A2ML1: variants seen among roughly 807,000 people sequenced by gnomAD.
A2ML1 encodes the protein alpha-2-macroglobulin like 1.
Under a neutral mutation model 181.9 loss-of-function variants are expected in A2ML1, and 161 were observed. That is an observed-to-expected ratio of 0.89 (90% CI 0.78 to 1.01). The LOEUF is 1.01. Among genes scored for constraint, A2ML1 ranks in the 50% least tolerant of loss-of-function variants. A2ML1 has a pLI of 0.00. For missense variants in A2ML1, 1,670 were observed against 1,768.1 expected (o/e 0.94, Z 1.00); for synonymous variants, 663 against 666.8 (o/e 0.99, Z 0.09).
intron 16 of A2ML1, among the ~76,000 whole-genome samples, chr12:8,849,244 G>A (rs1943806694): frequency 6.6e-6 from 1 of 152,164 alleles, no homozygotes; most frequent in East Asian, 1.9e-4. Flanking sequence ...GGGATGCTGT[G>A]TGACCCAAGT....
rs1954585172 is a variant in A2ML1, at chr12:8,835,617, G to A, written c.594G>A (p.Val198=). The change falls in exon 6 of 36, where the codon GTG becomes GTA. Residue 198 remains valine, a synonymous_variant. Coordinates refer to ENST00000299698, the MANE Select transcript of A2ML1 (RefSeq NM_144670.6). ...AGGCAATGCTGGGCACCTACACTGT[G>A]GCAGTGGCTGAGGGCAAGACCTTTG... ...APEAMLGTYT[V]AVAEGKTFGT... 6.2e-7 allele frequency: 1 copy of A among 1,614,102 alleles called. No homozygotes were observed. Among genetic ancestry groups the A allele is most frequent in the Non-Finnish European group, 8.5e-7 (1 of 1,180,056 alleles).
intron 7 of A2ML1, among the ~76,000 whole-genome samples, chr12:8,836,620 A>G (rs751005049): frequency 6.6e-5 from 10 of 150,998 alleles, no homozygotes; most frequent in Non-Finnish European, 1.5e-4. Flanking sequence ...AGTAGCTGGG[A>G]TCACAGGCGC....
At chr12:8,867,812 G>T in intron 29 of A2ML1, 30 bp from the exon 30 acceptor site, 2 of 1,587,802 alleles carry the variant, frequency 1.3e-6, no homozygotes, top group Non-Finnish European at 1.7e-6. Flanking sequence ...CTCACAAAAT[G>T]GTAAGTATAC....
chr12:8,868,373 G>A lies in A2ML1; in HGVS notation c.4061+16G>A, dbSNP rs200962359. ...TTCACACCAGGTGATTAAAGCTGGG[G>A]TGCTGGTGGCCGGCAGAGCACCTGG... On this transcript the variant is annotated intron_variant, in intron 31 of 35. Coordinates refer to ENST00000299698, the MANE Select transcript of A2ML1 (RefSeq NM_144670.6). 33 of 1,609,476 alleles carry A rather than the reference G, an allele frequency of 2.1e-5. No homozygotes were observed. Among genetic ancestry groups the A allele is most frequent in the Middle Eastern group, 1.7e-4 (1 of 6,024 alleles).
Position 8,851,872 on chromosome 12 carries a change from G to A in A2ML1, c.2323G>A (p.Gly775Ser), listed in dbSNP as rs745521449. ...AMSFCTSQSR[G>S]FGLSPTVGLT... ...GAGTTTCTGCACTTCCCAGTCAAGAGGCTTCGGGCTTTCACCCACTGTTGG... is the reference window on the plus strand; with the variant it reads ...GAGTTTCTGCACTTCCCAGTCAAGAAGCTTCGGGCTTTCACCCACTGTTGG... The change falls in exon 19 of 36, where the codon GGC (glycine) becomes AGC (serine). Residue 775 changes from glycine (G) to serine (S), a missense_variant. Coordinates refer to ENST00000299698, the MANE Select transcript of A2ML1 (RefSeq NM_144670.6). 6.2e-7 allele frequency: 1 copy of A among 1,614,218 alleles called. No homozygotes were observed. Among genetic ancestry groups the A allele is most frequent in the Admixed American group, 1.7e-5 (1 of 60,024 alleles).
At chr12:8,838,678 C>T (rs1215932680) in intron 9 of A2ML1, among the ~76,000 whole-genome samples, 8 of 151,708 alleles carry the variant, frequency 5.3e-5, no homozygotes, top group Admixed American at 2.6e-4. Flanking sequence ...TTTGGGAGGC[C>T]GAGACGGGCA....
At chr12:8,843,404 G>C (rs761268229) in intron 12 of A2ML1, 43 bp downstream of exon 12, 3 of 1,584,238 alleles carry the variant, frequency 1.9e-6, no homozygotes, top group African/African-American at 2.7e-5. Context: ...TGCTGGGAAG[G>C]AAAGAGAATG....
chr12:8,827,619 T>C (rs193130770), intron 3 of A2ML1, among the ~76,000 whole-genome samples: 1 of 152,344 alleles, frequency 6.6e-6, no homozygotes, highest in East Asian at 1.9e-4. Flanking sequence ...ATTTAGTTCA[T>C]CTGGTGAGGT....
rs11047528 is a variant in A2ML1, at chr12:8,841,017, A to C, written c.1081-352A>C. ...AAGGAAGGAAGGAAGGAAGGACGGA[A>C]GGAAGGAAGGAAGGAAGGAAAGAAA... On this transcript the variant is annotated intron_variant, in intron 10 of 35. Coordinates refer to ENST00000299698, the MANE Select transcript of A2ML1 (RefSeq NM_144670.6). Among the ~76,000 whole-genome samples, 1,320 of 13,926 alleles carry C rather than the reference A, an allele frequency of 0.095. 12 individuals carry two copies. Among genetic ancestry groups the C allele is most frequent in the East Asian group, 0.31 (71 of 228 alleles). 9.1% of individuals were successfully genotyped at this position (13,926 alleles called of 152,430 possible). A position where few individuals can be genotyped will look rare whatever the true frequency, so the allele number is the denominator to read the frequency against.
At position 8,855,671 on chromosome 12, in the gene A2ML1, C is replaced by G. The variant is rs768275167; in HGVS notation, c.2848+79C>G. Reference sequence around the variant, plus strand: ...AAGGTGTGGAGTGGGGCGGGACATACGGACCTATCCGGAGAGTGTAACTAA... The same window carrying G: ...AAGGTGTGGAGTGGGGCGGGACATAGGGACCTATCCGGAGAGTGTAACTAA... On this transcript the variant is annotated intron_variant, in intron 23 of 35. Coordinates refer to ENST00000299698, the MANE Select transcript of A2ML1 (RefSeq NM_144670.6). 44 of 1,297,812 alleles carry G rather than the reference C, an allele frequency of 3.4e-5. 1 individual carries two copies. The highest frequency in any genetic ancestry group is 4.3e-5 in the Non-Finnish European group (39 of 902,412). 80.4% of individuals were successfully genotyped at this position (1,297,812 alleles called of 1,614,324 possible). A position where few individuals can be genotyped will look rare whatever the true frequency, so the allele number is the denominator to read the frequency against.
intron 12 of A2ML1, 151 bp downstream of exon 12, chr12:8,843,512 A>C: frequency 1.5e-6 from 1 of 652,664 alleles, no homozygotes; most frequent in Non-Finnish European, 2.5e-6. Flanking sequence ...GTAAAAGAAC[A>C]GTTGACATTA....
chr12:8,848,773 G>A lies in A2ML1; in HGVS notation c.1887G>A (p.Glu629=). 6.2e-7 allele frequency: 1 copy of A among 1,614,052 alleles called. No homozygotes were observed. The highest frequency in any genetic ancestry group is 1.1e-5 in the South Asian group (1 of 91,036). The change falls in exon 16 of 36, where the codon GAG becomes GAA. Residue 629 remains glutamate, a synonymous_variant. Coordinates refer to ENST00000299698, the MANE Select transcript of A2ML1 (RefSeq NM_144670.6). ...GTCACTACCCCTATCAAGTGGCTGA[G>A]TATGATCAGTGTCCAGTGTCTGGCC... ...WYGHYPYQVA[E]YDQCPVSGPW...
In A2ML1 at chr12:8,824,011, G is replaced by T. The variant is rs1421342931; in HGVS notation, c.409+129G>T. 5 of 1,072,022 alleles carry T rather than the reference G, an allele frequency of 4.7e-6. No individual in the cohort carries two copies. In the East Asian group the frequency reaches 1.2e-4, roughly 27 times the overall value. 66.4% of individuals were successfully genotyped at this position (1,072,022 alleles called of 1,614,324 possible). ...AGTGCAGAGGAGAGGAAAATCTGGGGGGATTAAGTAGTGCAAGTGTTGAAT... is the reference window on the plus strand; with the variant it reads ...AGTGCAGAGGAGAGGAAAATCTGGGTGGATTAAGTAGTGCAAGTGTTGAAT... On this transcript the variant is annotated intron_variant, in intron 3 of 35. Transcript: ENST00000299698.
Position 8,841,512 on chromosome 12 carries a change from G to C in A2ML1, c.1224G>C (p.Trp408Cys), listed in dbSNP as rs372461898. The change falls in exon 11 of 36, where the codon TGG (tryptophan) becomes TGC (cysteine). Residue 408 changes from tryptophan (W) to cysteine (C), a missense_variant. Coordinates refer to ENST00000299698, the MANE Select transcript of A2ML1 (RefSeq NM_144670.6). ...CCTTTACCTTGGAGACATCCGGTTG[G>C]AATGGGACAGACGTTTCTCTGGAGG... is the stretch of plus-strand genomic sequence containing the variant. ...LAPFTLETSG[W>C]NGTDVSLEGK... The C allele has an allele frequency of 6.4e-5, 104 of 1,613,924 alleles. No individual in the cohort carries two copies. Among genetic ancestry groups the C allele is most frequent in the Non-Finnish European group, 8.4e-5 (99 of 1,179,988 alleles).
chr12:8,884,075 C>G (rs1481782381), intron 7 of A2ML1, among the ~76,000 whole-genome samples: 1 of 152,162 alleles, frequency 6.6e-6, no homozygotes, highest in Non-Finnish European at 1.5e-5. Flanking sequence ...CGTGACCCAC[C>G]ACACCTGGCC....
chr12:8,882,182 G>A (rs1310125671), intron 7 of A2ML1, among the ~76,000 whole-genome samples: 1 of 152,028 alleles, frequency 6.6e-6, no homozygotes, highest in Admixed American at 6.6e-5. Context: ...GACTAGCTAG[G>A]GAACAGGAAA....
intron 4 of A2ML1, chr12:8,830,619 A>G (rs1943079673): frequency 6.6e-6 from 1 of 152,174 alleles, no homozygotes; most frequent in African/African-American, 2.4e-5. Flanking sequence ...TTTGATTTCA[A>G]GTTGGAGCAT....
intron 11 of A2ML1, among the ~76,000 whole-genome samples, chr12:8,842,319 G>A (rs1439281043): frequency 2.0e-5 from 3 of 151,382 alleles, no homozygotes; most frequent in African/African-American, 4.9e-5. Context: ...CCCGGTTCAC[G>A]CCATTCTCCT....
chr12:8,845,320 C>T (rs905156294), intron 12 of A2ML1, 122 bp from the exon 13 acceptor site: 1 of 1,417,248 alleles, frequency 7.1e-7, no homozygotes, highest in Non-Finnish European at 9.8e-7. Flanking sequence ...AGGTATTGAC[C>T]CGGACTCTGA....
Sources: gnomAD v4.1 joint callset for allele counts (sites outside exome capture counted in the v4.1 genomes callset) on GRCh38, gnomAD v4.1.1 for gene constraint, MANE v1.5 for transcripts, NCBI Gene and HGNC (gene_info 2026-07-23, HGNC 2026-07-21) for gene names.